The following NEBL variants were observed in gnomAD, a reference collection of about 807,000 sequenced individuals.
NEBL encodes nebulette.
NEBL carries 122 observed loss-of-function variants against 140.2 expected under a neutral mutation model. The ratio of observed to expected loss-of-function variants is 0.87; its 90% CI spans 0.75 to 1.01. NEBL has a LOEUF of 1.01. NEBL is among the 50% of genes least tolerant of loss of function. The probability of loss-of-function intolerance (pLI) is 0.00; values close to 1 mark genes in which losing one functional copy is unlikely to be tolerated. For missense variants in NEBL, 1,365 were observed against 1,231.3 expected (o/e 1.11, Z -1.62); for synonymous variants, 436 against 398.9 (o/e 1.09, Z -1.11).
In NEBL at chr10:20,785,664, T is replaced by C. The variant is rs1835346958; in HGVS notation, c.*83A>G. 4.1e-6 allele frequency: 6 copies of C among 1,470,300 alleles called. No individual in the cohort carries two copies. Among genetic ancestry groups the C allele is most frequent in the Non-Finnish European group, 5.6e-6 (6 of 1,073,606 alleles). 91.1% of individuals were successfully genotyped at this position (1,470,300 alleles called of 1,614,324 possible). On this transcript the variant is annotated 3_prime_UTR_variant, in exon 28 of 28. Transcript: ENST00000377122. ...ACATCATTGTAAAATAATGGCCAAG[T>C]TGTCTTAAAAGTATCTTCTATCTTT...
intron 14 of NEBL, among the ~76,000 whole-genome samples, chr10:20,833,504 T>G (rs1840608694): frequency 6.6e-6 from 1 of 152,098 alleles, no homozygotes. Flanking sequence ...TTGGGGGGTT[T>G]TTATTGACTA....
chr10:20,903,178 A>G (rs1042219180), intron 4 of NEBL, among the ~76,000 whole-genome samples: 1 of 152,222 alleles, frequency 6.6e-6, no homozygotes, highest in African/African-American at 2.4e-5. Flanking sequence ...TACCTATGAT[A>G]AAGTTTAATT....
intron 2 of NEBL, among the ~76,000 whole-genome samples, chr10:21,023,893 A>G (rs1353450939): frequency 2.6e-5 from 4 of 152,122 alleles, no homozygotes; most frequent in Admixed American, 2.6e-4. Context: ...CTTGCTGCCC[A>G]TACCACTAAG....
At chr10:21,068,844 G>A (rs908368182) in intron 2 of NEBL, among the ~76,000 whole-genome samples, 4 of 152,116 alleles carry the variant, frequency 2.6e-5, no homozygotes, top group South Asian at 2.1e-4. Context: ...GTATTCCTCC[G>A]ATGCTTATTA....
At position 20,869,737 on chromosome 10, in the gene NEBL, T is replaced by C. The variant is rs1844721753; in HGVS notation, c.582+3A>G. The C allele has an allele frequency of 6.9e-6, 11 of 1,593,638 alleles. 1 individual carries two copies. The highest frequency in any genetic ancestry group is 9.5e-6 in the Non-Finnish European group (11 of 1,161,588). ...CCGTTCAAGGTTTAGAAAGAGAAGTTACATTGCTTATGATCTTAGAGATCT... is the reference window on the plus strand; with the variant it reads ...CCGTTCAAGGTTTAGAAAGAGAAGTCACATTGCTTATGATCTTAGAGATCT... On this transcript the variant is annotated splice_donor_region_variant and intron_variant, in intron 6 of 27. Transcript: ENST00000377122.
chr10:21,188,476 C>A (rs1841513884), intron 3 of NEBL, among the ~76,000 whole-genome samples: 1 of 151,974 alleles, frequency 6.6e-6, no homozygotes, highest in Non-Finnish European at 1.5e-5. Flanking sequence ...AATTATAAGT[C>A]TGATTTATTT....
intron 4 of NEBL, among the ~76,000 whole-genome samples, chr10:20,933,266 T>C (rs909400066): frequency 8.5e-5 from 13 of 152,164 alleles, no homozygotes; most frequent in Admixed American, 7.9e-4. Context: ...CCTGTGACCA[T>C]GAAAGAAAGT....
chr10:21,133,531 C>T (rs1037838380), intron 2 of NEBL, among the ~76,000 whole-genome samples: 1 of 152,156 alleles, frequency 6.6e-6, no homozygotes, highest in Admixed American at 6.5e-5. Context: ...TTCTGTGTAT[C>T]AGATCCTCCC....
At chr10:20,969,590 G>T (rs1836480115) in intron 3 of NEBL, among the ~76,000 whole-genome samples, 2 of 139,744 alleles carry the variant, frequency 1.4e-5, no homozygotes, top group Non-Finnish European at 1.5e-5. Flanking sequence ...CTGTCACCCA[G>T]GTTGGAGTGC....
At chr10:21,264,913 T>C (rs1226297172) in intron 1 of NEBL, among the ~76,000 whole-genome samples, 1 of 151,724 alleles carries the variant, frequency 6.6e-6, no homozygotes, top group Non-Finnish European at 1.5e-5. Context: ...GAGAGCTTGC[T>C]GAGCCTCTTT....
intron 3 of NEBL, among the ~76,000 whole-genome samples, chr10:21,186,392 G>A (rs1351993965): frequency 6.6e-6 from 1 of 152,046 alleles, no homozygotes; most frequent in Non-Finnish European, 1.5e-5. Context: ...ACTAGGTCAT[G>A]AGGGTGTATA....
intron 4 of NEBL, among the ~76,000 whole-genome samples, chr10:20,883,478 G>A (rs1846203448): frequency 6.6e-6 from 1 of 152,152 alleles, no homozygotes; most frequent in Non-Finnish European, 1.5e-5. Flanking sequence ...CCTCCATTCA[G>A]GTGGAGAAAG....
At chr10:21,018,286 T>C (rs1229164006) in intron 3 of NEBL, among the ~76,000 whole-genome samples, 1 of 152,164 alleles carries the variant, frequency 6.6e-6, no homozygotes, top group African/African-American at 2.4e-5. Flanking sequence ...GAAATGAGTA[T>C]TTGATTGCTT....
intron 4 of NEBL, among the ~76,000 whole-genome samples, chr10:20,884,093 C>G (rs543431101): frequency 1.3e-5 from 2 of 152,220 alleles, no homozygotes; most frequent in African/African-American, 2.4e-5. Context: ...AGACAGGAGT[C>G]CACTTGCAAT....
rs544689571 is a variant in NEBL, at chr10:20,788,388, T to C, written c.2762-1080A>G. On this transcript the variant is annotated intron_variant, in intron 26 of 27. Coordinates refer to ENST00000377122, the MANE Select transcript of NEBL (RefSeq NM_006393.3). ...GGGTTGATTTATTCAGAACAGTTTT[T>C]ATAATAAAAGAAATAAGATTTAATT... is the stretch of plus-strand genomic sequence containing the variant. 4.6e-5 allele frequency among the ~76,000 whole-genome samples: 7 copies of C among 152,298 alleles called. No homozygotes were observed. In the South Asian group the frequency reaches 1.5e-3, roughly 32 times the overall value.
intron 3 of NEBL, among the ~76,000 whole-genome samples, chr10:21,197,008 G>A (rs1272068929): frequency 6.6e-6 from 1 of 152,148 alleles, no homozygotes; most frequent in East Asian, 1.9e-4. Flanking sequence ...TTCCCAGTTA[G>A]CAGTTGTGAT....
intron 3 of NEBL, among the ~76,000 whole-genome samples, chr10:20,979,775 T>C (rs1836958136): frequency 6.6e-6 from 1 of 152,208 alleles, no homozygotes; most frequent in Non-Finnish European, 1.5e-5. Context: ...GGTGCAATCA[T>C]GGCTCACTGC....
chr10:20,947,309 A>T (rs1835216860), intron 4 of NEBL, among the ~76,000 whole-genome samples: 1 of 152,114 alleles, frequency 6.6e-6, no homozygotes, highest in Non-Finnish European at 1.5e-5. Flanking sequence ...GGCAGCACAG[A>T]TTTAAGATGA....
chr10:20,976,281 G>A (rs1462315448), intron 3 of NEBL, among the ~76,000 whole-genome samples: 1 of 151,400 alleles, frequency 6.6e-6, no homozygotes, highest in South Asian at 2.1e-4. Context: ...GCAGAAGTTG[G>A]CAGTGAGCCG....
Sources: gnomAD v4.1 joint callset for allele counts (sites outside exome capture counted in the v4.1 genomes callset) on GRCh38, gnomAD v4.1.1 for gene constraint, MANE v1.5 for transcripts, NCBI Gene and HGNC (gene_info 2026-07-23, HGNC 2026-07-21) for gene names.